CCDC33: variants seen among roughly 807,000 people sequenced by gnomAD.
CCDC33 encodes coiled-coil domain containing 33, also known as coiled-coil domain-containing protein 33.
In CCDC33, 94 loss-of-function variants were observed where a neutral mutation model predicts 91.9. The ratio of observed to expected loss-of-function variants is 1.02; its 90% CI spans 0.87 to 1.21. The LOEUF (loss-of-function observed/expected upper bound fraction) is 1.21, where lower values mean the gene tolerates loss of function less well. CCDC33 is among the 50% of genes most tolerant of loss of function. The probability of loss-of-function intolerance (pLI) is 0.00; values close to 1 mark genes in which losing one functional copy is unlikely to be tolerated. For synonymous variants in CCDC33, 396 were observed against 374.5 expected (o/e 1.06, Z -0.66); for missense variants, 940 against 935.5 (o/e 1.00, Z -0.06).
At chr15:74,273,830 A>ATT (rs34131427) in intron 7 of CCDC33, among the ~76,000 whole-genome samples, 13,014 of 132,420 alleles carry the variant, frequency 0.098, 2,285 homozygotes, top group African/African-American at 0.34. Context: ...GCAGTCTTGA[A>ATT]TTTTTTTTTT....
intron 11 of CCDC33, among the ~76,000 whole-genome samples, chr15:74,297,372 C>A (rs1441419555): frequency 6.6e-6 from 1 of 152,210 alleles, no homozygotes; most frequent in South Asian, 2.1e-4. Flanking sequence ...CGTGGTTCCC[C>A]CTTCTTGTGC....
intron 10 of CCDC33, among the ~76,000 whole-genome samples, chr15:74,293,493 G>A (rs951919878): frequency 6.6e-6 from 1 of 152,192 alleles, no homozygotes; most frequent in Non-Finnish European, 1.5e-5. Flanking sequence ...GTGTTCAGCT[G>A]TTCCGAGAAA....
At chr15:74,319,881 A>G (rs2060171083) in intron 11 of CCDC33, among the ~76,000 whole-genome samples, 1 of 152,174 alleles carries the variant, frequency 6.6e-6, no homozygotes, top group South Asian at 2.1e-4. Flanking sequence ...AGCCAAGCAC[A>G]AAAGCTTTCT....
Position 74,280,109 on chromosome 15 carries a change from G to C in CCDC33, c.889+17G>C. On this transcript the variant is annotated intron_variant, in intron 8 of 18. Transcript: ENST00000398814. Reference sequence around the variant, plus strand: ...CAACTTCAAGTACGTGACCCCTGGTGCCTCGCCAGGGCAGCCATGCCTCAG... The same window carrying C: ...CAACTTCAAGTACGTGACCCCTGGTCCCTCGCCAGGGCAGCCATGCCTCAG... 1 of 1,613,578 alleles carries C rather than the reference G, an allele frequency of 6.2e-7. No individual in the cohort carries two copies. The highest frequency in any genetic ancestry group is 8.5e-7 in the Non-Finnish European group (1 of 1,179,764).
At chr15:74,204,940 A>AAAAG (rs1555458359) in intron 1 of CCDC33, among the ~76,000 whole-genome samples, 15 of 151,738 alleles carry the variant, frequency 9.9e-5, no homozygotes, top group Middle Eastern at 3.4e-3. Flanking sequence ...ATCTCAAAAA[A>AAAAG]AAAGAAAGAA....
At chr15:74,240,297 T>G (rs2075305782) in intron 1 of CCDC33, among the ~76,000 whole-genome samples, 1 of 152,210 alleles carries the variant, frequency 6.6e-6, no homozygotes, top group African/African-American at 2.4e-5. Context: ...GGTCTGCAGA[T>G]GCCTAGTTGG....
At chr15:74,334,950 C>T (rs1301156499) in intron 17 of CCDC33, 25 bp from the exon 18 acceptor site, 1 of 1,571,102 alleles carries the variant, frequency 6.4e-7, no homozygotes, top group East Asian at 2.2e-5. Context: ...CATGGTCCTC[C>T]AATTGTCCCT....
At position 74,218,907 on chromosome 15, in the gene CCDC33, AC is replaced by A; in HGVS notation, c.675+47del. On this transcript the variant is annotated intron_variant, in intron 2 of 2. Coordinates refer to the CCDC33 transcript ENST00000635913. This position sits in a 1 kb window ranked among gnomAD's most constrained non-coding sequence, Gnocchi z 4.8. Reference sequence around the variant, plus strand: ...AGTTCAGGTTCTGGGCTCACCGGGTACAAGACCCAGCCTCCGTGATAAGCCA... The same window carrying A: ...AGTTCAGGTTCTGGGCTCACCGGGTAAAGACCCAGCCTCCGTGATAAGCCA... 9 of 1,198,022 alleles carry A rather than the reference AC, an allele frequency of 7.5e-6. No individual in the cohort carries two copies. In the South Asian group the frequency reaches 1.2e-4, roughly 16 times the overall value. 74.2% of individuals were successfully genotyped at this position (1,198,022 alleles called of 1,614,324 possible). A position where few individuals can be genotyped will look rare whatever the true frequency, so the allele number is the denominator to read the frequency against.
chr15:74,257,339 G>C (rs1163542144), intron 2 of CCDC33, among the ~76,000 whole-genome samples: 1 of 152,220 alleles, frequency 6.6e-6, no homozygotes, highest in South Asian at 2.1e-4. Context: ...AGCACAGACT[G>C]GGGGCCTTGT....
rs547476527 is a variant in CCDC33, at chr15:74,255,813, G to A, written c.186-6627G>A. On this transcript the variant is annotated intron_variant, in intron 2 of 18. Transcript: ENST00000398814. ...TTCTGCTTCCCCACTTTGGGGACAC[G>A]CTCTTGGGACAGGACTTGGGATCTG... Among the ~76,000 whole-genome samples, 3 of 152,334 alleles carry A rather than the reference G, an allele frequency of 2.0e-5. No individual in the cohort carries two copies. The South Asian group carries it at 6.2e-4, about 32-fold the overall frequency.
Position 74,280,607 on chromosome 15 carries a change from T to C in CCDC33, c.890-61T>C, listed in dbSNP as rs2059340843. On this transcript the variant is annotated intron_variant, in intron 8 of 18. Transcript: ENST00000398814. ...AGACAGGAGGACTGGATGTCAGGTA[T>C]TAAAGGATGGGGCCGAGGTGGGGGC... is the stretch of plus-strand genomic sequence containing the variant. The C allele has an allele frequency of 4.2e-6, 6 of 1,421,014 alleles. No individual in the cohort carries two copies. The South Asian group carries it at 8.5e-5, about 20-fold the overall frequency. 88.0% of individuals were successfully genotyped at this position (1,421,014 alleles called of 1,614,324 possible).
chr15:74,325,121 G>A (rs1221904030), intron 11 of CCDC33, among the ~76,000 whole-genome samples: 1 of 151,734 alleles, frequency 6.6e-6, no homozygotes, highest in East Asian at 1.9e-4. Flanking sequence ...ACCCAGCAAG[G>A]GTCCCTGGCT....
intron 1 of CCDC33, among the ~76,000 whole-genome samples, chr15:74,239,748 C>T (rs1437342633): frequency 6.6e-6 from 1 of 152,230 alleles, no homozygotes; most frequent in African/African-American, 2.4e-5. Context: ...TCCAGCTTTG[C>T]TCCCAGCCAA....
At chr15:74,332,657 A>T (rs199500417) in intron 15 of CCDC33, 22 bp from the exon 16 acceptor site, 31 of 1,611,002 alleles carry the variant, frequency 1.9e-5, no homozygotes, top group Non-Finnish European at 2.6e-5. Context: ...CATCTCACCA[A>T]CATCTGTGGC....
chr15:74,252,426 G>C (rs1383065003), intron 2 of CCDC33, among the ~76,000 whole-genome samples: 1 of 152,208 alleles, frequency 6.6e-6, no homozygotes, highest in East Asian at 1.9e-4. Flanking sequence ...CAGTGACAGT[G>C]ATCATGGGAT....
intron 10 of CCDC33, among the ~76,000 whole-genome samples, chr15:74,283,020 C>A: frequency 6.6e-6 from 1 of 152,166 alleles, no homozygotes; most frequent in East Asian, 1.9e-4. Flanking sequence ...GGCTCTGTGA[C>A]CTCACTCATG....
At position 74,244,228 on chromosome 15, in the gene CCDC33, A is replaced by G; in HGVS notation, c.185+80A>G. The G allele has an allele frequency of 2.6e-6, 4 of 1,520,622 alleles. No homozygotes were observed. Among genetic ancestry groups the G allele is most frequent in the Non-Finnish European group, 2.7e-6 (3 of 1,126,246 alleles). The allele number at this position is 1,520,622 out of a possible 1,614,324, so 94.2% of individuals were successfully genotyped here. A position where few individuals can be genotyped will look rare whatever the true frequency, so the allele number is the denominator to read the frequency against. On this transcript the variant is annotated intron_variant, in intron 2 of 18. Transcript: ENST00000398814. The surrounding 1 kb of genome is among the most constrained non-coding windows in gnomAD (Gnocchi z 4.2). ...CCAGGGGACAGCTATTTGGAATACT[A>G]GCACCCAAAGGCCCAGGACTGGGAC...
At chr15:74,212,172 C>CG (rs2074374422) in exon 3 of CCDC33, 1 of 152,612 alleles carries the variant, frequency 6.6e-6, no homozygotes. Context: ...GCGCTGGTCT[C>CG]GGGATCCGCA....
intron 11 of CCDC33, among the ~76,000 whole-genome samples, chr15:74,309,203 G>T (rs116264669): frequency 6.6e-6 from 1 of 152,102 alleles, no homozygotes; most frequent in Non-Finnish European, 1.5e-5. Context: ...AGCCTGATGG[G>T]CCCTGGGGCT....
Sources: gnomAD v4.1 joint callset for allele counts (sites outside exome capture counted in the v4.1 genomes callset) on GRCh38, gnomAD v4.1.1 for gene constraint, Gnocchi (gnomAD v3.1) non-coding constraint, MANE v1.5 for transcripts, NCBI Gene and HGNC (gene_info 2026-07-23, HGNC 2026-07-21) for gene names.